ATP7A: variants seen among roughly 807,000 people sequenced by gnomAD.
ATP7A encodes the protein ATPase copper transporting alpha, also known as copper-transporting ATPase 1.
A neutral mutation model predicts 83.5 loss-of-function variants in ATP7A; 7 were observed. That is an observed-to-expected ratio of 0.08 (90% CI 0.05 to 0.16). The LOEUF is 0.16. Ranked by LOEUF, ATP7A falls within the 10% of genes least tolerant of loss-of-function variation. The probability of loss-of-function intolerance (pLI) is 1.00; values close to 1 mark genes in which losing one functional copy is unlikely to be tolerated. For synonymous variants in ATP7A, 354 were observed against 395.2 expected (o/e 0.90, Z 1.24); for missense variants, 940 against 1,120.8 (o/e 0.84, Z 2.30).
intron 18 of ATP7A, among the ~76,000 whole-genome samples, chrX:78,039,644 G>T (rs1225808628): frequency 8.9e-6 from 1 of 112,059 alleles, no homozygotes; most frequent in Non-Finnish European, 1.9e-5. Context: ...CACAACGTCA[G>T]TTTTAATTTT....
chrX:77,956,791 T>TTC (rs2077447190), intron 1 of ATP7A, among the ~76,000 whole-genome samples: 1 of 86,141 alleles, frequency 1.2e-5, no homozygotes, highest in South Asian at 5.3e-4. Flanking sequence ...TTCTTTCTCT[T>TTC]TCTTTCTTTT....
At chrX:78,030,754 C>T (rs1257124437) in intron 15 of ATP7A, among the ~76,000 whole-genome samples, 5 of 100,929 alleles carry the variant, frequency 5.0e-5, no homozygotes, top group Non-Finnish European at 8.0e-5. Flanking sequence ...TGCAGTGGTG[C>T]GATCTCGGCT....
chrX:77,929,603 C>G (rs1312492371), intron 1 of ATP7A, among the ~76,000 whole-genome samples: 1 of 108,907 alleles, frequency 9.2e-6, no homozygotes, highest in Non-Finnish European at 1.9e-5. Flanking sequence ...ATGATAGGAA[C>G]GAAATAAATT....
chrX:78,004,627 A>T (rs1271512660), intron 6 of ATP7A, among the ~76,000 whole-genome samples: 1 of 111,300 alleles, frequency 9.0e-6, no homozygotes, highest in Non-Finnish European at 1.9e-5. Context: ...TCACGCCTGT[A>T]ATCCCAGCAC....
At chrX:77,990,374 T>C (rs2077662620) in intron 4 of ATP7A, among the ~76,000 whole-genome samples, 1 of 112,141 alleles carries the variant, frequency 8.9e-6, no homozygotes, top group Admixed American at 9.5e-5. Context: ...TGTATATGAA[T>C]AAGATTCCTG....
chrX:78,021,648 C>A (rs1386906382), intron 14 of ATP7A, among the ~76,000 whole-genome samples: 2 of 111,493 alleles, frequency 1.8e-5, no homozygotes, highest in Admixed American at 1.9e-4. Context: ...GACTGTGCCT[C>A]AAATTAGATA....
chrX:77,952,335 T>C (rs1272686622), intron 1 of ATP7A, among the ~76,000 whole-genome samples: 4 of 112,456 alleles, frequency 3.6e-5, no homozygotes, highest in Non-Finnish European at 7.5e-5. Context: ...AGCATTCCTA[T>C]TGCTCCACAT....
chrX:77,924,896 T>C (rs1487862941), intron 1 of ATP7A, among the ~76,000 whole-genome samples: 1 of 111,740 alleles, frequency 8.9e-6, no homozygotes, highest in East Asian at 2.8e-4. Context: ...TTCGCCATGT[T>C]GGCCAGGCTG....
intron 4 of ATP7A, among the ~76,000 whole-genome samples, chrX:77,996,188 TTA>T (rs1258648949): frequency 4.5e-5 from 5 of 111,061 alleles, no homozygotes; most frequent in Non-Finnish European, 5.7e-5. Context: ...AGATATACAT[TTA>T]TATATATATA....
At chrX:78,038,040 G>A (rs1173969540) in intron 17 of ATP7A, among the ~76,000 whole-genome samples, 3 of 88,055 alleles carry the variant, frequency 3.4e-5, no homozygotes, top group Non-Finnish European at 6.4e-5. Flanking sequence ...GAAAAGTTGT[G>A]CAGGAGTGGG....
At chrX:77,948,949 T>A (rs1298401210) in intron 1 of ATP7A, among the ~76,000 whole-genome samples, 1 of 111,162 alleles carries the variant, frequency 9.0e-6, no homozygotes, top group Non-Finnish European at 1.9e-5. Context: ...TGGAGTACAG[T>A]GGTGTGATCT....
intron 2 of ATP7A, among the ~76,000 whole-genome samples, chrX:77,978,541 C>G (rs1409242409): frequency 9.0e-6 from 1 of 111,657 alleles, no homozygotes; most frequent in Non-Finnish European, 1.9e-5. Context: ...TCAAATTTGA[C>G]AGTAGCTTTA....
At chrX:77,927,267 C>A (rs2077246760) in intron 1 of ATP7A, among the ~76,000 whole-genome samples, 1 of 110,966 alleles carries the variant, frequency 9.0e-6, no homozygotes, top group African/African-American at 3.3e-5. Flanking sequence ...TTTTAAAGAG[C>A]AACCCTATTA....
At chrX:77,973,259 C>A (rs782318513) in intron 2 of ATP7A, among the ~76,000 whole-genome samples, 7 of 112,108 alleles carry the variant, frequency 6.2e-5, no homozygotes, top group African/African-American at 2.3e-4. Flanking sequence ...CACACTCATT[C>A]ATTTACGTAT....
intron 1 of ATP7A, chrX:77,969,596 T>C (rs1557229373): frequency 1.7e-6 from 2 of 1,210,576 alleles, no homozygotes; most frequent in African/African-American, 3.5e-5. Flanking sequence ...AGGTTCCATG[T>C]GCTCTCGCCG....
intron 1 of ATP7A, among the ~76,000 whole-genome samples, chrX:77,928,898 C>T (rs782613464): frequency 3.6e-5 from 4 of 111,655 alleles, no homozygotes; most frequent in Non-Finnish European, 7.5e-5. Flanking sequence ...TAAGGTACCC[C>T]TGCCCCCTAG....
chrX:78,038,052 G>A (rs1005167066), intron 17 of ATP7A, among the ~76,000 whole-genome samples: 1 of 97,842 alleles, frequency 1.0e-5, no homozygotes, highest in Admixed American at 1.1e-4. Context: ...AGGAGTGGGC[G>A]GGGAGAATTG....
At chrX:77,957,763 T>C (rs1379431154) in intron 1 of ATP7A, among the ~76,000 whole-genome samples, 7 of 111,398 alleles carry the variant, frequency 6.3e-5, no homozygotes, top group Non-Finnish European at 1.1e-4. Flanking sequence ...TTTCATAGTT[T>C]CAGATTTTAT....
intron 1 of ATP7A, among the ~76,000 whole-genome samples, chrX:77,952,065 C>T (rs1276851983): frequency 9.0e-6 from 1 of 111,418 alleles, no homozygotes; most frequent in African/African-American, 3.3e-5. Context: ...ATTTGATTGC[C>T]TTGCTGCACC....
Sources: allele counts gnomAD v4.1 joint callset (sites outside exome capture counted in the v4.1 genomes callset), GRCh38; gene constraint gnomAD v4.1.1; transcripts MANE v1.5; gene names NCBI Gene and HGNC (gene_info 2026-07-23, HGNC 2026-07-21).